Variants in ZNF395 observed in about 807,000 individuals in gnomAD.
ZNF395 encodes zinc finger protein 395.
A neutral mutation model predicts 57.7 loss-of-function variants in ZNF395; 20 were observed. The observed-to-expected ratio is 0.35, with a 90% CI of 0.24 to 0.50. The LOEUF (loss-of-function observed/expected upper bound fraction) is 0.50, where lower values mean the gene tolerates loss of function less well. Ranked by LOEUF, ZNF395 falls within the 20% of genes least tolerant of loss-of-function variation. ZNF395 has a pLI of 0.97. For missense variants in ZNF395, 606 were observed against 671.2 expected (o/e 0.90, Z 1.07); for synonymous variants, 295 against 275.9 (o/e 1.07, Z -0.69).
chr8:28,349,016 C>T, intron 9 of ZNF395, 109 bp downstream of exon 9: 2 of 1,227,356 alleles, frequency 1.6e-6, no homozygotes, highest in Non-Finnish European at 2.3e-6. Flanking sequence ...CATCTGGGCT[C>T]CTCTCTGGGG....
rs978967691 is a variant in ZNF395 at position 28,352,312 on chromosome 8, G to A, written c.920+261C>T. Reference sequence around the variant, plus strand: ...ACCAGCAACTAAACCAAATGACCCCGTTTCTACCCAGAACTAAAACATCTT... The same window carrying A: ...ACCAGCAACTAAACCAAATGACCCCATTTCTACCCAGAACTAAAACATCTT... On this transcript the variant is annotated intron_variant, in intron 6 of 9. Transcript: ENST00000344423. The surrounding 1 kb of genome is among the most constrained non-coding windows in gnomAD (Gnocchi z 4.0). Among the ~76,000 whole-genome samples the A allele has an allele frequency of 2.6e-5, 4 of 152,202 alleles. No homozygotes were observed. The highest frequency in any genetic ancestry group is 3.9e-4 in the East Asian group (2 of 5,194).
chr8:28,370,573 G>A (rs963149954), intron 1 of ZNF395, among the ~76,000 whole-genome samples: 2 of 152,190 alleles, frequency 1.3e-5, no homozygotes, highest in Non-Finnish European at 2.9e-5. Context: ...ATGGGGTGGC[G>A]GCATTAATCA....
chr8:28,363,755 C>CGGCGCCTGAAATGTTTGGCCAACA (rs1563339688), intron 1 of ZNF395, among the ~76,000 whole-genome samples: 1 of 152,162 alleles, frequency 6.6e-6, no homozygotes, highest in Admixed American at 6.5e-5. Flanking sequence ...AGTCTTCAGA[C>CGGCGCCTGAAATGTTTGGCCAACA]GGCGCCTGAA....
At chr8:28,385,947 A>G (rs1466960111) in intron 1 of ZNF395, 1 of 145,414 alleles carries the variant, frequency 6.9e-6, no homozygotes, top group Non-Finnish European at 1.5e-5. Flanking sequence ...GGGCGTGGGA[A>G]GTTCGCGGCC....
chr8:28,357,421 A>G (rs1362945817), intron 3 of ZNF395, among the ~76,000 whole-genome samples: 1 of 152,238 alleles, frequency 6.6e-6, no homozygotes, highest in Non-Finnish European at 1.5e-5. Context: ...GCAGAGTTCT[A>G]TAAAATGTTA....
At position 28,352,487 on chromosome 8, in the gene ZNF395, C is replaced by T; in HGVS notation, c.920+86G>A. On this transcript the variant is annotated intron_variant, in intron 6 of 9. Coordinates refer to ENST00000344423, the MANE Select transcript of ZNF395 (RefSeq NM_018660.3). The surrounding 1 kb of genome is among the most constrained non-coding windows in gnomAD (Gnocchi z 4.0). The stretch of plus-strand genomic sequence containing the variant: ...CCAGCAAGCCACGTTCCTGAAAGCA[C>T]TGTGGGCTGTGGGTCACAGGGACTC... The T allele has an allele frequency of 8.2e-7, 1 of 1,214,274 alleles. No homozygotes were observed. Among genetic ancestry groups the T allele is most frequent in the South Asian group, 1.3e-5 (1 of 78,426 alleles). 75.2% of individuals were successfully genotyped at this position (1,214,274 alleles called of 1,614,324 possible). A position where few individuals can be genotyped will look rare whatever the true frequency, so the allele number is the denominator to read the frequency against.
intron 3 of ZNF395, among the ~76,000 whole-genome samples, chr8:28,357,867 A>C (rs1801799522): frequency 6.6e-6 from 1 of 152,232 alleles, no homozygotes; most frequent in African/African-American, 2.4e-5. Flanking sequence ...TATATAAGAC[A>C]ATTTCAGTCG....
chr8:28,378,235 CTTTTT>C (rs966434061), intron 1 of ZNF395, among the ~76,000 whole-genome samples: 1 of 151,208 alleles, frequency 6.6e-6, no homozygotes, highest in African/African-American at 2.4e-5. Flanking sequence ...CCTTGGTTTC[CTTTTT>C]TTGAGTCGAG....
chr8:28,376,408 T>C (rs979538412), intron 1 of ZNF395, among the ~76,000 whole-genome samples: 2 of 151,748 alleles, frequency 1.3e-5, no homozygotes, highest in Non-Finnish European at 2.9e-5. Context: ...TCACCTGAGG[T>C]CAGTTCAAGA....
rs1801595185 is a variant in ZNF395, at chr8:28,345,970, CAT to C, written c.*2747_*2748del. The C allele has an allele frequency of 6.6e-6, 1 of 152,168 alleles. No individual in the cohort carries two copies. The highest frequency in any genetic ancestry group is 6.5e-5 in the Admixed American group (1 of 15,280). 9.4% of individuals were successfully genotyped at this position (152,168 alleles called of 1,614,324 possible). On this transcript the variant is annotated 3_prime_UTR_variant, in exon 10 of 10. Transcript: ENST00000344423. ...GCTTTCTGAGCCAATTTAAAAGTCA[CAT>C]GATTGAATCCAAGCTATTTTACTTT... is the stretch of plus-strand genomic sequence containing the variant.
At chr8:28,353,151 C>T (rs370835109) in intron 5 of ZNF395, 22 bp downstream of exon 5, 1 of 1,610,880 alleles carries the variant, frequency 6.2e-7, no homozygotes, top group African/African-American at 1.3e-5. Flanking sequence ...CCTGGGCTCC[C>T]ACTCACACCA....
chr8:28,371,853 A>G (rs1801980785), intron 1 of ZNF395, among the ~76,000 whole-genome samples: 1 of 152,178 alleles, frequency 6.6e-6, no homozygotes, highest in African/African-American at 2.4e-5. Context: ...GTTCAAGACC[A>G]GCCTGACCAA....
In ZNF395 at chr8:28,359,668, G is replaced by A; in HGVS notation, c.397C>T (p.Gln133Ter). The change falls in exon 3 of 10, where the codon CAG becomes TAG. Residue 133 changes from glutamine to a stop codon, truncating the protein, a stop_gained. Coordinates refer to ENST00000344423, the MANE Select transcript of ZNF395 (RefSeq NM_018660.3). LOFTEE classifies it high-confidence loss of function. The surrounding 1 kb of genome is among the most constrained non-coding windows in gnomAD (Gnocchi z 4.7). ...WLAELQGPCPQAPPLEPGAQA... is the reference protein window; with the variant it reads ...WLAELQGPCP Reference sequence around the variant, plus strand: ...GCTCCGGGCTCCAGGGGTGGTGCCTGGGGACAGGGGCCCTGCAGCTCTGCC... The same window carrying A: ...GCTCCGGGCTCCAGGGGTGGTGCCTAGGGACAGGGGCCCTGCAGCTCTGCC... 1 of 1,613,940 alleles carries A rather than the reference G, an allele frequency of 6.2e-7. No homozygotes were observed. The highest frequency in any genetic ancestry group is 2.2e-5 in the East Asian group (1 of 44,882).
chr8:28,354,139 G>T (rs971464460), intron 4 of ZNF395, among the ~76,000 whole-genome samples: 11 of 152,168 alleles, frequency 7.2e-5, no homozygotes, highest in Admixed American at 4.6e-4. Context: ...TCGCAAGGTG[G>T]CAGGGGGCTT....
In ZNF395 at chr8:28,359,401, CA is replaced by C. The variant is rs898312258; in HGVS notation, c.473+190del. Among the ~76,000 whole-genome samples the C allele has an allele frequency of 1.3e-5, 2 of 152,018 alleles. No homozygotes were observed. Among genetic ancestry groups the C allele is most frequent in the Non-Finnish European group, 2.9e-5 (2 of 67,994 alleles). On this transcript the variant is annotated intron_variant, in intron 3 of 9. Transcript: ENST00000344423. The surrounding 1 kb of genome is among the most constrained non-coding windows in gnomAD (Gnocchi z 4.7). Reference sequence around the variant, plus strand: ...TAGGTGAGAGAGTGAGACTCCGTCTCAAAAAAAGAAAGAAAAGATGCCACTC... The same window carrying C: ...TAGGTGAGAGAGTGAGACTCCGTCTCAAAAAAGAAAGAAAAGATGCCACTC...
rs140354280 is a variant in ZNF395, at chr8:28,361,073, G to A, written c.52C>T (p.Arg18Trp). 7 of 1,612,394 alleles carry A rather than the reference G, an allele frequency of 4.3e-6. No homozygotes were observed. The African/African-American group carries it at 5.3e-5, about 12-fold the overall frequency. The part of the protein sequence containing the change: ...RLGKRSLLGA[R>W]VLGPSASEGP... ...TCCGAGGCACTGGGTCCCAACACCC[G>A]GGCTCCCAGGAGGGACCGCTTTCCA... Residue 18 changes from arginine (R) to tryptophan (W), a missense_variant, in exon 2 of 10, where the codon CGG (arginine) becomes TGG (tryptophan). Transcript: ENST00000344423.
intron 4 of ZNF395, among the ~76,000 whole-genome samples, chr8:28,354,521 T>C (rs1585852778): frequency 6.6e-6 from 1 of 152,276 alleles, no homozygotes; most frequent in East Asian, 1.9e-4. Flanking sequence ...TCCAGACTCC[T>C]TCAATGCTAA....
intron 1 of ZNF395, among the ~76,000 whole-genome samples, chr8:28,381,866 C>T (rs1051076443): frequency 2.0e-5 from 3 of 152,108 alleles, no homozygotes; most frequent in Non-Finnish European, 2.9e-5. Flanking sequence ...AGGTCAAAGC[C>T]CTCTATAATT....
chr8:28,367,719 G>C (rs1423842913), intron 1 of ZNF395, among the ~76,000 whole-genome samples: 1 of 152,152 alleles, frequency 6.6e-6, no homozygotes, highest in African/African-American at 2.4e-5. Context: ...GGCACATAGT[G>C]AGGGCTCAGG....
Sources: gnomAD v4.1 joint callset for allele counts (sites outside exome capture counted in the v4.1 genomes callset) on GRCh38, gnomAD v4.1.1 for gene constraint, Gnocchi (gnomAD v3.1) non-coding constraint, MANE v1.5 for transcripts, NCBI Gene and HGNC (gene_info 2026-07-23, HGNC 2026-07-21) for gene names.